Variants in RNF44 observed in about 807,000 individuals in gnomAD.
RNF44 encodes the protein ring finger protein 44.
A neutral mutation model predicts 53.6 loss-of-function variants in RNF44; 25 were observed. The ratio of observed to expected loss-of-function variants is 0.47; its 90% CI spans 0.34 to 0.65. The LOEUF (loss-of-function observed/expected upper bound fraction) is 0.65, where lower values mean the gene tolerates loss of function less well. Ranked by LOEUF, RNF44 falls within the 30% of genes least tolerant of loss-of-function variation. RNF44 has a pLI of 0.01. For synonymous variants in RNF44, 282 were observed against 252.2 expected, an observed-to-expected ratio of 1.12 and a Z score of -1.12; for missense variants, 581 against 595.5, an observed-to-expected ratio of 0.98 and a Z score of 0.25.
In RNF44 at chr5:176,529,177, G is replaced by C. The variant is rs1756320870; in HGVS notation, c.1237-87C>G. 1.9e-6 allele frequency: 3 copies of C among 1,564,562 alleles called. No homozygotes were observed. In the East Asian group the frequency reaches 6.8e-5, roughly 35 times the overall value. On this transcript the variant is annotated intron_variant, in intron 10 of 10. Coordinates refer to ENST00000274811, the MANE Select transcript of RNF44 (RefSeq NM_014901.5). ...CCACCTGGGGGGACTTGGTCCGCTG[G>C]AGCCAGAACTTCCGAGATGATGACA...
In RNF44 at chr5:176,528,639, C is replaced by A. The variant is rs1382654210; in HGVS notation, c.*389G>T. The stretch of plus-strand genomic sequence containing the variant: ...GGGCACGCCATTTCAGAGCATGAGA[C>A]CTTCTGACCCAGGATGGTGCTCTGT... On this transcript the variant is annotated 3_prime_UTR_variant, in exon 11 of 11. Transcript: ENST00000274811. 1.6e-5 allele frequency: 4 copies of A among 246,802 alleles called. No homozygotes were observed. The highest frequency in any genetic ancestry group is 2.4e-5 in the Non-Finnish European group (3 of 126,784). 15.3% of individuals were successfully genotyped at this position (246,802 alleles called of 1,614,324 possible). A position where few individuals can be genotyped will look rare whatever the true frequency, so the allele number is the denominator to read the frequency against.
the RNF44 span, among the ~76,000 whole-genome samples, chr5:176,543,177 C>G: frequency 6.7e-6 from 1 of 149,842 alleles, no homozygotes; most frequent in Non-Finnish European, 1.5e-5. This position sits in a 1 kb window ranked among gnomAD's most constrained non-coding sequence, Gnocchi z 4.0. Context: ...CGTTCCTCCG[C>G]CGGCCCGCGG....
chr5:176,533,140 G>A (rs549378366), intron 1 of RNF44, among the ~76,000 whole-genome samples: 2 of 152,168 alleles, frequency 1.3e-5, no homozygotes, highest in African/African-American at 2.4e-5. Flanking sequence ...GCCTCCAGGC[G>A]GCAGCTGGGG....
chr5:176,530,446 G>GCCGC lies in RNF44; in HGVS notation c.801+132_801+135dup, dbSNP rs1756523912. On this transcript the variant is annotated intron_variant, in intron 6 of 10. Coordinates refer to ENST00000274811, the MANE Select transcript of RNF44 (RefSeq NM_014901.5). ...GTCAGCCCAGCAGGCCTGCCTCCCA[G>GCCGC]CCGCCCCGGAGCCCACGTGCAAGTC... 2.7e-6 allele frequency: 3 copies of GCCGC among 1,124,276 alleles called. No homozygotes were observed. In the African/African-American group the frequency reaches 5.1e-5, roughly 19 times the overall value. The allele number at this position is 1,124,276 out of a possible 1,614,324, so 69.6% of individuals were successfully genotyped here.
intron 1 of RNF44, among the ~76,000 whole-genome samples, chr5:176,532,757 A>AAAAAAAAG (rs1756822679): frequency 6.7e-6 from 1 of 149,322 alleles, no homozygotes; most frequent in Non-Finnish European, 1.5e-5. Flanking sequence ...CAAAAAAAAA[A>AAAAAAAAG]AAAAAAAAAG....
chr5:176,538,893 A>T (rs897761107), upstream of RNF44, among the ~76,000 whole-genome samples: 2 of 152,228 alleles, frequency 1.3e-5, no homozygotes, highest in African/African-American at 4.8e-5. Flanking sequence ...CTTAGGGAGA[A>T]CTGGAAGGGA....
Position 176,531,089 on chromosome 5 carries a change from AC to A in RNF44, c.466-69del. 1 of 1,218,870 alleles carries A rather than the reference AC, an allele frequency of 8.2e-7. No homozygotes were observed. 75.5% of individuals were successfully genotyped at this position (1,218,870 alleles called of 1,614,324 possible). A position where few individuals can be genotyped will look rare whatever the true frequency, so the allele number is the denominator to read the frequency against. On this transcript the variant is annotated intron_variant, in intron 4 of 10. Coordinates refer to ENST00000274811, the MANE Select transcript of RNF44 (RefSeq NM_014901.5). This position sits in a 1 kb window ranked among gnomAD's most constrained non-coding sequence, Gnocchi z 4.2. ...CTCTGGGCCAGGTCTACGCCATGCC[AC>A]CCAGCAAAAGGCCCCCACCGGGCAC... is the stretch of plus-strand genomic sequence containing the variant.
chr5:176,530,643 G>T lies in RNF44; in HGVS notation c.740C>A (p.Pro247Gln), dbSNP rs200230961. The T allele has an allele frequency of 7.9e-6, 12 of 1,522,900 alleles. No homozygotes were observed. The highest frequency in any genetic ancestry group is 1.4e-5 in the African/African-American group (1 of 69,632). The allele number at this position is 1,522,900 out of a possible 1,614,324, so 94.3% of individuals were successfully genotyped here. A position where few individuals can be genotyped will look rare whatever the true frequency, so the allele number is the denominator to read the frequency against. Reference sequence around the variant, plus strand: ...GGGCAGGTAGTGCAGGGGCACCGACGGGGAAAGGGCTGGGCCAGGCGCAGA... The same window carrying T: ...GGGCAGGTAGTGCAGGGGCACCGACTGGGAAAGGGCTGGGCCAGGCGCAGA... ...STSAPGPALS[P>Q]SVPLHYLPHD... The change falls in exon 6 of 11, where the codon CCG becomes CAG. Residue 247 changes from proline (P) to glutamine (Q), a missense_variant. Physicochemically the swap from Pro to Gln is moderately conservative, Grantham distance 76. Coordinates refer to ENST00000274811, the MANE Select transcript of RNF44 (RefSeq NM_014901.5).
At position 176,534,449 on chromosome 5, in the gene RNF44, A is replaced by C. The variant is rs541892884; in HGVS notation, c.-44-1933T>G. The stretch of plus-strand genomic sequence containing the variant: ...CCCTGACAGGCATGTCTACACACAC[A>C]GCCTCCCGAACTCCTGCCAACAAAC... On this transcript the variant is annotated intron_variant, in intron 1 of 10. Coordinates refer to ENST00000274811, the MANE Select transcript of RNF44 (RefSeq NM_014901.5). Among the ~76,000 whole-genome samples the C allele has an allele frequency of 2.6e-5, 4 of 152,304 alleles. 1 individual carries two copies. Among genetic ancestry groups the C allele is most frequent in the African/African-American group, 9.6e-5 (4 of 41,568 alleles).
Position 176,532,399 on chromosome 5 carries a change from C to G in RNF44, c.74G>C (p.Gly25Ala). 1 of 1,610,212 alleles carries G rather than the reference C, an allele frequency of 6.2e-7. No individual in the cohort carries two copies. The highest frequency in any genetic ancestry group is 1.1e-5 in the South Asian group (1 of 90,894). Residue 25 changes from glycine to alanine, a missense_variant, in exon 2 of 11, where the codon GGA becomes GCA. By Grantham distance (60) the Gly-to-Ala change is moderately conservative (BLOSUM62 0). Around this residue, in one of 3 missense-constraint regions of RNF44, gnomAD observed 387 missense variants for 366.0 expected, o/e 1.06. Transcript: ENST00000274811. ...APVGQRRFSA[G>A]PGSTPGQLWG... ...GAGCTGGCCCGGGGTGCTGCCAGGT[C>G]CCGCAGAGAATCGCCGCTGGCCCAC...
rs371255816 is a variant in RNF44, at chr5:176,528,999, G to C, written c.*29C>G. ...CACAAGTTTCCAGAGCTTCAGGCAGGGTTCTCCCGGGCAGGCGGCTGCGTG... is the reference window on the plus strand; with the variant it reads ...CACAAGTTTCCAGAGCTTCAGGCAGCGTTCTCCCGGGCAGGCGGCTGCGTG... On this transcript the variant is annotated 3_prime_UTR_variant, in exon 11 of 11. Coordinates refer to ENST00000274811, the MANE Select transcript of RNF44 (RefSeq NM_014901.5). The C allele has an allele frequency of 6.2e-7, 1 of 1,603,908 alleles. No homozygotes were observed.
rs770630886 is a variant in RNF44 at position 176,532,455 on chromosome 5, C to G, written c.18G>C (p.Leu6=). ...CGGAGGGTGGCCACCTAGTCACTGC[C>G]AGAGCCCATGGTCGCATCGGGGGGG... MRPWA[L]AVTRWPPSAP... is the part of the protein sequence containing the mutation. The change falls in exon 2 of 11, where the codon CTG becomes CTC. Residue 6 remains leucine (L), a synonymous_variant. Coordinates refer to ENST00000274811, the MANE Select transcript of RNF44 (RefSeq NM_014901.5). The G allele has an allele frequency of 6.9e-6, 11 of 1,597,834 alleles. No individual in the cohort carries two copies. In the African/African-American group the frequency reaches 1.3e-4, roughly 20 times the overall value.
chr5:176,531,032 AG>A lies in RNF44; in HGVS notation c.466-12del. On this transcript the variant is annotated splice_polypyrimidine_tract_variant and intron_variant, in intron 4 of 10. Coordinates refer to ENST00000274811, the MANE Select transcript of RNF44 (RefSeq NM_014901.5). This position sits in a 1 kb window ranked among gnomAD's most constrained non-coding sequence, Gnocchi z 4.2. The stretch of plus-strand genomic sequence containing the variant: ...GCACGCCTGGATAAGCTGCCAAGAG[AG>A]GGGGCAGGGGGCTGAGAACGTTCTC... The A allele has an allele frequency of 7.0e-7, 1 of 1,427,708 alleles. No individual in the cohort carries two copies. The highest frequency in any genetic ancestry group is 9.2e-7 in the Non-Finnish European group (1 of 1,091,596). 88.4% of individuals were successfully genotyped at this position (1,427,708 alleles called of 1,614,324 possible).
At position 176,537,124 on chromosome 5, in the gene RNF44, C is replaced by T. The variant is rs1304337753; in HGVS notation, c.-229G>A. 1 of 152,348 alleles carries T rather than the reference C, an allele frequency of 6.6e-6. No individual in the cohort carries two copies. Among genetic ancestry groups the T allele is most frequent in the Non-Finnish European group, 1.5e-5 (1 of 68,176 alleles). 9.4% of individuals were successfully genotyped at this position (152,348 alleles called of 1,614,324 possible). The stretch of plus-strand genomic sequence containing the variant: ...GCCCGGCTCCTTCCGGGGCCTCTCT[C>T]TTTGTTGTCCGCCCGACGGCGTCTG... On this transcript the variant is annotated 5_prime_UTR_variant, in exon 1 of 11. Transcript: ENST00000274811.
At chr5:176,535,333 G>A (rs549065377) in intron 1 of RNF44, among the ~76,000 whole-genome samples, 59 of 152,298 alleles carry the variant, frequency 3.9e-4, no homozygotes, top group Middle Eastern at 6.8e-3. Context: ...TAGCGAATAC[G>A]ACACGCTGAC....
chr5:176,531,570 G>A lies in RNF44; in HGVS notation c.358C>T (p.Pro120Ser), dbSNP rs144164161. 3.1e-6 allele frequency: 5 copies of A among 1,613,350 alleles called. No individual in the cohort carries two copies. The highest frequency in any genetic ancestry group is 4.2e-6 in the Non-Finnish European group (5 of 1,179,826). Residue 120 changes from proline to serine, a missense_variant, in exon 4 of 11, where the codon CCC becomes TCC. Physicochemically the swap from Pro to Ser is moderately conservative, Grantham distance 74. Around this residue, in one of 3 missense-constraint regions of RNF44, gnomAD observed 387 missense variants for 366.0 expected, o/e 1.06. Transcript: ENST00000274811. The surrounding 1 kb of genome is among the most constrained non-coding windows in gnomAD (Gnocchi z 4.2). ...TVTTVTTQGF[P>S]LPTGQHIPGC... ...GGGATGTGCTGGCCTGTAGGCAAGG[G>A]GAAGCCTTGGGTCGTCACTGTGGTG...
upstream of RNF44, among the ~76,000 whole-genome samples, chr5:176,538,303 G>C (rs1269792309): frequency 6.6e-6 from 1 of 152,158 alleles, no homozygotes; most frequent in Non-Finnish European, 1.5e-5. Context: ...GATTACTATA[G>C]CCAGTTCATT....
chr5:176,529,661 G>A lies in RNF44; in HGVS notation c.1015-17C>T, dbSNP rs1196093258. The A allele has an allele frequency of 1.2e-6, 2 of 1,613,468 alleles. No homozygotes were observed. Among genetic ancestry groups the A allele is most frequent in the Non-Finnish European group, 1.7e-6 (2 of 1,179,776 alleles). On this transcript the variant is annotated splice_polypyrimidine_tract_variant and intron_variant, in intron 8 of 10. Coordinates refer to ENST00000274811, the MANE Select transcript of RNF44 (RefSeq NM_014901.5). ...CAGGAGGGCCTGCATGCGGGCAGGA[G>A]ACGGGGTCAGCGGCGCCCAGGGCTG...
rs1038150298 is a variant in RNF44, at chr5:176,531,766, A to C, written c.298-136T>G. 4.2e-6 allele frequency: 4 copies of C among 958,598 alleles called. No individual in the cohort carries two copies. Among genetic ancestry groups the C allele is most frequent in the Non-Finnish European group, 6.1e-6 (4 of 659,546 alleles). The allele number at this position is 958,598 out of a possible 1,614,324, so 59.4% of individuals were successfully genotyped here. ...ACGGCGGCCTACCTCAGTGCAGACC[A>C]GACTGTGCCTCTACTCCCAGGCCCC... On this transcript the variant is annotated intron_variant, in intron 3 of 10. Coordinates refer to ENST00000274811, the MANE Select transcript of RNF44 (RefSeq NM_014901.5). The surrounding 1 kb of genome is among the most constrained non-coding windows in gnomAD (Gnocchi z 4.2).
Sources: allele counts gnomAD v4.1 joint callset (sites outside exome capture counted in the v4.1 genomes callset), GRCh38; gene constraint gnomAD v4.1.1; regional missense constraint gnomAD v4.1.1; non-coding constraint Gnocchi (gnomAD v3.1); transcripts MANE v1.5; gene names NCBI Gene and HGNC (gene_info 2026-07-23, HGNC 2026-07-21).